RBM6: variants seen among roughly 807,000 people sequenced by gnomAD.
The protein encoded by RBM6 is RNA binding motif protein 6.
In RBM6, 23 loss-of-function variants were observed where a neutral mutation model predicts 140.4. The observed-to-expected ratio is 0.16, with a 90% CI of 0.12 to 0.23. The LOEUF (loss-of-function observed/expected upper bound fraction) is 0.23, where lower values mean the gene tolerates loss of function less well. Among genes scored for constraint, RBM6 ranks in the 10% least tolerant of loss-of-function variants. The pLI is 1.00. For missense variants in RBM6, 1,139 were observed against 1,386.7 expected (o/e 0.82, Z 2.84); for synonymous variants, 439 against 475.6 (o/e 0.92, Z 1.00).
At chr3:50,067,321 C>G (rs1206897757) in intron 17 of RBM6, among the ~76,000 whole-genome samples, 1 of 152,098 alleles carries the variant, frequency 6.6e-6, no homozygotes, top group Non-Finnish European at 1.5e-5. Flanking sequence ...TATGCCTACC[C>G]TCAAAGAACT....
intron 1 of RBM6, among the ~76,000 whole-genome samples, chr3:49,944,960 T>C (rs1399231622): frequency 3.4e-5 from 5 of 147,888 alleles, no homozygotes; most frequent in African/African-American, 7.5e-5. Flanking sequence ...CACTCCAAGC[T>C]CCGCCTCCTG....
In RBM6 at chr3:49,967,982, G is replaced by C; in HGVS notation, c.557G>C (p.Arg186Thr). ...RGRGTYDLDF[R>T]GRDGSHADFR... ...CGGGGCACTTATGATTTAGATTTTA[G>C]AGGCCGGGATGGATCCCATGCAGAT... The change falls in exon 3 of 21, where the codon AGA (arginine) becomes ACA (threonine). Residue 186 changes from arginine (R) to threonine (T), a missense_variant. By Grantham distance (71) the Arg-to-Thr change is moderately conservative (BLOSUM62 -1). This residue lies in a region of RBM6 where 566 missense variants were observed against 612.7 expected (regional missense o/e 0.92). Transcript: ENST00000266022. The surrounding 1 kb of genome is among the most constrained non-coding windows in gnomAD (Gnocchi z 4.0). 2.5e-6 allele frequency: 4 copies of C among 1,614,154 alleles called. No individual in the cohort carries two copies. The highest frequency in any genetic ancestry group is 2.5e-6 in the Non-Finnish European group (3 of 1,180,028).
intron 8 of RBM6, among the ~76,000 whole-genome samples, chr3:50,056,225 G>GT (rs1004867136): frequency 1.3e-5 from 2 of 151,928 alleles, no homozygotes; most frequent in African/African-American, 2.4e-5. Flanking sequence ...GCAAAGTTGT[G>GT]TTTTTTTCCC....
At chr3:50,028,670 C>CAGATG (rs1254159786) in intron 6 of RBM6, among the ~76,000 whole-genome samples, 1 of 152,174 alleles carries the variant, frequency 6.6e-6, no homozygotes, top group Non-Finnish European at 1.5e-5. Flanking sequence ...AGGTGGTCAA[C>CAGATG]AGATGTCCTC....
chr3:49,969,497 ATGAATATATATT>A (rs1468629875), intron 3 of RBM6, among the ~76,000 whole-genome samples: 1 of 147,044 alleles, frequency 6.8e-6, no homozygotes, highest in Non-Finnish European at 1.5e-5. Context: ...ATGTATATAT[ATGAATATATATT>A]TATATATATA....
At chr3:49,953,458 T>G (rs997960067) in intron 1 of RBM6, among the ~76,000 whole-genome samples, 1 of 151,620 alleles carries the variant, frequency 6.6e-6, no homozygotes, top group South Asian at 2.1e-4. Context: ...GACCTCGTGA[T>G]CTGCCCGCCT....
intron 6 of RBM6, among the ~76,000 whole-genome samples, chr3:50,021,801 G>A (rs950442853): frequency 8.5e-6 from 1 of 117,988 alleles, no homozygotes; most frequent in African/African-American, 3.3e-5. Context: ...TGCCCAGGCT[G>A]GAGTGTGGCG....
intron 1 of RBM6, among the ~76,000 whole-genome samples, chr3:49,951,139 G>A (rs1250778806): frequency 1.3e-5 from 2 of 152,316 alleles, no homozygotes; most frequent in Non-Finnish European, 2.9e-5. Context: ...GACACTTTGA[G>A]TAGTGAAAAT....
intron 1 of RBM6, among the ~76,000 whole-genome samples, chr3:49,952,566 C>T (rs1398797330): frequency 6.7e-6 from 1 of 148,808 alleles, no homozygotes; most frequent in Non-Finnish European, 1.5e-5. Flanking sequence ...AATGGTGCAT[C>T]TCGACTCAAC....
At chr3:50,051,557 C>T (rs2089466201) in intron 7 of RBM6, among the ~76,000 whole-genome samples, 2 of 152,238 alleles carry the variant, frequency 1.3e-5, no homozygotes, top group Admixed American at 1.3e-4. Flanking sequence ...AGGAGAATCA[C>T]TTGAACCTGG....
At chr3:49,972,978 A>T (rs1262347319) in intron 4 of RBM6, among the ~76,000 whole-genome samples, 1 of 151,768 alleles carries the variant, frequency 6.6e-6, no homozygotes, top group Non-Finnish European at 1.5e-5. Flanking sequence ...CTACAGGCAC[A>T]CACCACCACG....
chr3:49,941,337 G>A (rs1458579789), intron 1 of RBM6, among the ~76,000 whole-genome samples: 3 of 152,020 alleles, frequency 2.0e-5, no homozygotes, highest in Non-Finnish European at 4.4e-5. Flanking sequence ...AGGTCTCTCT[G>A]GATAGTTGTA....
chr3:50,056,819 G>A (rs2089721768), intron 8 of RBM6, among the ~76,000 whole-genome samples: 1 of 152,152 alleles, frequency 6.6e-6, no homozygotes, highest in Non-Finnish European at 1.5e-5. Context: ...GCTGTAGTAG[G>A]ACATTTGAAA....
chr3:50,011,294 A>C (rs186541596), intron 6 of RBM6, among the ~76,000 whole-genome samples: 5 of 152,300 alleles, frequency 3.3e-5, no homozygotes, highest in Non-Finnish European at 2.9e-5. Flanking sequence ...TAAGCTAAAC[A>C]TCTGAAAGAT....
rs2085434700 is a variant in RBM6, at chr3:49,984,119, C to CT, written c.1483+8728dup. 2.0e-5 allele frequency among the ~76,000 whole-genome samples: 3 copies of CT among 152,056 alleles called. No homozygotes were observed. In the South Asian group the frequency reaches 6.2e-4, roughly 32 times the overall value. On this transcript the variant is annotated intron_variant, in intron 5 of 20. Coordinates refer to ENST00000266022, the MANE Select transcript of RBM6 (RefSeq NM_005777.3). ...CCACCCTGGGCAACATGGTGAAACT[C>CT]TATCTCTCCAAAAAAAATACAAAAA...
chr3:49,945,125 T>C (rs2083432264), intron 1 of RBM6, among the ~76,000 whole-genome samples: 2 of 151,318 alleles, frequency 1.3e-5, no homozygotes, highest in Non-Finnish European at 2.9e-5. Flanking sequence ...TCTGCCCGCC[T>C]TGGCCTCCCA....
chr3:50,060,308 T>C (rs965790410), intron 11 of RBM6, among the ~76,000 whole-genome samples: 5 of 152,222 alleles, frequency 3.3e-5, no homozygotes, highest in Non-Finnish European at 7.3e-5. Context: ...CTAATTTCTC[T>C]TTCCTCCTTC....
At chr3:50,076,986 A>G (rs369492175) in intron 20 of RBM6, 22 bp from the exon 21 acceptor site, 12 of 1,598,326 alleles carry the variant, frequency 7.5e-6, no homozygotes, top group Admixed American at 1.8e-5. Flanking sequence ...GGCCCACTTC[A>G]TAGTTTGTCT....
Position 50,015,255 on chromosome 3 carries a change from C to T in RBM6, c.1557+15742C>T, listed in dbSNP as rs558979081. On this transcript the variant is annotated intron_variant, in intron 6 of 20. Transcript: ENST00000266022. ...CCCAAGTAGCTGGGACTACAGGTAC[C>T]CACCACCACGCCCGGCTAATTTTTG... 2.9e-4 allele frequency among the ~76,000 whole-genome samples: 44 copies of T among 150,504 alleles called. 1 individual carries two copies. Among genetic ancestry groups the T allele is most frequent in the African/African-American group, 1.0e-3 (42 of 41,074 alleles).
Sources: gnomAD v4.1 joint callset for allele counts (sites outside exome capture counted in the v4.1 genomes callset) on GRCh38, gnomAD v4.1.1 for gene constraint, gnomAD v4.1.1 regional missense constraint, Gnocchi (gnomAD v3.1) non-coding constraint, MANE v1.5 for transcripts, NCBI Gene and HGNC (gene_info 2026-07-23, HGNC 2026-07-21) for gene names.